The following ZNF664 variants were observed in gnomAD, a reference collection of about 807,000 sequenced individuals.
The protein encoded by ZNF664 is zinc finger protein 664.
In ZNF664, 10 loss-of-function variants were observed where a neutral mutation model predicts 18.2. That is an observed-to-expected ratio of 0.55 (90% CI 0.34 to 0.93). The LOEUF (loss-of-function observed/expected upper bound fraction) is 0.93, where lower values mean the gene tolerates loss of function less well. ZNF664 is among the 40% of genes least tolerant of loss of function. The pLI, the probability that ZNF664 is intolerant of heterozygous loss-of-function variation, is 0.02. For synonymous variants in ZNF664, 119 were observed against 104.2 expected, an observed-to-expected ratio of 1.14 and a Z score of -0.86; for missense variants, 193 against 319.0, an observed-to-expected ratio of 0.61 and a Z score of 3.01.
rs1956612275 is a variant in ZNF664, at chr12:123,973,222, C to A, written c.-1022C>A. ...CCTCGTGCGTGCGCACGCGCGCTGT[C>A]CCCCGGAGGCGTCTGGGTGTGCGGA... On this transcript the variant is annotated 5_prime_UTR_variant, in exon 1 of 5. Coordinates refer to ENST00000337815, the MANE Select transcript of ZNF664 (RefSeq NM_152437.3). 1.0e-6 allele frequency: 1 copy of A among 986,042 alleles called. No individual in the cohort carries two copies. Among genetic ancestry groups the A allele is most frequent in the Non-Finnish European group, 1.2e-6 (1 of 832,502 alleles). The allele number at this position is 986,042 out of a possible 1,614,324, so 61.1% of individuals were successfully genotyped here. A position where few individuals can be genotyped will look rare whatever the true frequency, so the allele number is the denominator to read the frequency against.
At position 124,008,426 on chromosome 12, in the gene ZNF664, G is replaced by A. The variant is rs115965981; in HGVS notation, c.-660-2955G>A. Among the ~76,000 whole-genome samples, 986 of 152,292 alleles carry A rather than the reference G, an allele frequency of 6.5e-3. 6 individuals carry two copies. Among genetic ancestry groups the A allele is most frequent in the African/African-American group, 0.022 (921 of 41,568 alleles). On this transcript the variant is annotated intron_variant, in intron 3 of 4. Coordinates refer to ENST00000337815, the MANE Select transcript of ZNF664 (RefSeq NM_152437.3). ...CCCTGGCTTCAGGTGGTGACAGCCT[G>A]GTCCTGGCAGTGTCAAGTCCTGGAT... is the stretch of plus-strand genomic sequence containing the variant.
intron 2 of ZNF664, among the ~76,000 whole-genome samples, chr12:123,975,890 T>C (rs1428635114): frequency 6.6e-6 from 1 of 152,176 alleles, no homozygotes; most frequent in Non-Finnish European, 1.5e-5. Flanking sequence ...CAGATTAGCT[T>C]TTATGTCCTT....
At position 124,012,876 on chromosome 12, in the gene ZNF664, C is replaced by T; in HGVS notation, c.732C>T (p.Ile244=). The change falls in exon 5 of 5, where the codon ATC becomes ATT. Residue 244 remains isoleucine, a synonymous_variant. Coordinates refer to ENST00000337815, the MANE Select transcript of ZNF664 (RefSeq NM_152437.3). The part of the protein sequence containing the change: ...KAFSQSTSLC[I]HQRVHTKERN... Reference sequence around the variant, plus strand: ...TCAGTCAGAGTACGAGCCTCTGCATCCACCAGAGAGTCCACACAAAGGAGA... The same window carrying T: ...TCAGTCAGAGTACGAGCCTCTGCATTCACCAGAGAGTCCACACAAAGGAGA... The T allele has an allele frequency of 6.2e-7, 1 of 1,614,048 alleles. No homozygotes were observed. Among genetic ancestry groups the T allele is most frequent in the Non-Finnish European group, 8.5e-7 (1 of 1,180,006 alleles).
chr12:124,002,304 A>C (rs12311848), intron 3 of ZNF664, among the ~76,000 whole-genome samples: 1 of 152,044 alleles, frequency 6.6e-6, no homozygotes, highest in South Asian at 2.1e-4. Flanking sequence ...CAGAGAGTGC[A>C]GGAGGTGAGG....
At chr12:123,999,607 G>A (rs536951189) in intron 3 of ZNF664, among the ~76,000 whole-genome samples, 4 of 152,170 alleles carry the variant, frequency 2.6e-5, no homozygotes, top group Admixed American at 2.6e-4. Context: ...CCAGCAGTCC[G>A]AATTTCAGAT....
At position 123,988,151 on chromosome 12, in the gene ZNF664, C is replaced by G. The variant is rs1956846083; in HGVS notation, c.-661+13C>G. The G allele has an allele frequency of 8.1e-6, 10 of 1,231,320 alleles. No individual in the cohort carries two copies. In the South Asian group the frequency reaches 1.6e-4, roughly 20 times the overall value. The allele number at this position is 1,231,320 out of a possible 1,614,324, so 76.3% of individuals were successfully genotyped here. ...TCCTGTCACTGTGGTAAGTTTTCCC[C>G]TTGTTTCACCATTTGTCCTAGATGG... is the stretch of plus-strand genomic sequence containing the variant. On this transcript the variant is annotated intron_variant, in intron 3 of 4. Transcript: ENST00000337815.
At chr12:124,003,337 G>A (rs1305573343) in intron 3 of ZNF664, 1 of 152,062 alleles carries the variant, frequency 6.6e-6, no homozygotes, top group African/African-American at 2.4e-5. Flanking sequence ...TAGAAGGTGT[G>A]AATGCAGGTG....
At chr12:123,985,135 A>T (rs1483657134) in intron 2 of ZNF664, among the ~76,000 whole-genome samples, 1 of 152,144 alleles carries the variant, frequency 6.6e-6, no homozygotes, top group Non-Finnish European at 1.5e-5. Context: ...CTCAGTAGTG[A>T]AAGTGAGAAG....
chr12:124,004,137 G>A (rs1169478876), intron 3 of ZNF664, among the ~76,000 whole-genome samples: 1 of 152,192 alleles, frequency 6.6e-6, no homozygotes, highest in East Asian at 1.9e-4. Flanking sequence ...TCCAAGAATG[G>A]GTTGCTTAAC....
chr12:123,985,472 C>G (rs1956813087), intron 2 of ZNF664, among the ~76,000 whole-genome samples: 1 of 152,164 alleles, frequency 6.6e-6, no homozygotes, highest in South Asian at 2.1e-4. Flanking sequence ...TCCTTTAAAT[C>G]TATGAGACCA....
chr12:123,989,773 C>T (rs933199598), intron 3 of ZNF664, among the ~76,000 whole-genome samples: 10 of 152,244 alleles, frequency 6.6e-5, no homozygotes, highest in African/African-American at 2.4e-4. Flanking sequence ...GCCAGTCCTA[C>T]AAGATCAAAA....
Position 124,012,946 on chromosome 12 carries a change from G to A in ZNF664, c.*16G>A. 4.4e-6 allele frequency: 7 copies of A among 1,608,098 alleles called. No homozygotes were observed. Among genetic ancestry groups the A allele is most frequent in the Non-Finnish European group, 5.1e-6 (6 of 1,177,842 alleles). On this transcript the variant is annotated 3_prime_UTR_variant, in exon 5 of 5. Transcript: ENST00000337815. ...AGTTATATAAAACGTTTTGCTAAGA[G>A]TTTAAAATCTTAAAACCCATAAGTG...
intron 3 of ZNF664, among the ~76,000 whole-genome samples, chr12:124,009,863 T>G (rs1422286894): frequency 1.3e-5 from 2 of 150,942 alleles, no homozygotes; most frequent in Non-Finnish European, 2.9e-5. Context: ...AACGGTAGCA[T>G]AGAACATATA....
intron 3 of ZNF664, among the ~76,000 whole-genome samples, chr12:123,993,581 C>A (rs754843136): frequency 3.3e-5 from 5 of 152,220 alleles, no homozygotes; most frequent in African/African-American, 4.8e-5. Context: ...GAGGTAGATA[C>A]AACATCTGCT....
intron 2 of ZNF664, among the ~76,000 whole-genome samples, chr12:123,975,662 A>G (rs1162294851): frequency 6.6e-6 from 1 of 152,158 alleles, no homozygotes; most frequent in Non-Finnish European, 1.5e-5. Context: ...CTCCTGGCCT[A>G]AAGCAGTCCT....
At chr12:123,999,700 G>A (rs1956989649) in intron 3 of ZNF664, among the ~76,000 whole-genome samples, 1 of 152,192 alleles carries the variant, frequency 6.6e-6, no homozygotes, top group African/African-American at 2.4e-5. Context: ...AGTAGGACAT[G>A]GACACTTCTT....
intron 3 of ZNF664, among the ~76,000 whole-genome samples, chr12:124,005,309 A>G (rs1957058481): frequency 6.6e-6 from 1 of 152,224 alleles, no homozygotes; most frequent in Non-Finnish European, 1.5e-5. Flanking sequence ...AAGCCAGTTT[A>G]TTACTTGAGT....
intron 3 of ZNF664, among the ~76,000 whole-genome samples, chr12:123,998,175 C>T (rs573417270): frequency 3.3e-5 from 5 of 152,270 alleles, no homozygotes; most frequent in Admixed American, 2.0e-4. Context: ...CTTTCTTATA[C>T]TTTATCCCTT....
intron 3 of ZNF664, among the ~76,000 whole-genome samples, chr12:123,992,891 C>G (rs1956904740): frequency 6.6e-6 from 1 of 152,104 alleles, no homozygotes; most frequent in Non-Finnish European, 1.5e-5. Flanking sequence ...TGTGCTTGGG[C>G]TACTCTGAGT....
Sources: gnomAD v4.1 joint callset for allele counts (sites outside exome capture counted in the v4.1 genomes callset) on GRCh38, gnomAD v4.1.1 for gene constraint, MANE v1.5 for transcripts, NCBI Gene and HGNC (gene_info 2026-07-23, HGNC 2026-07-21) for gene names.